The following ALKAL1 variants were observed in gnomAD, a reference collection of about 807,000 sequenced individuals.
ALKAL1 encodes the protein AUG-beta.
Under a neutral mutation model 13.5 loss-of-function variants are expected in ALKAL1, and 23 were observed. That is an observed-to-expected ratio of 1.70 (90% confidence interval 1.23 to 2.41). The LOEUF (loss-of-function observed/expected upper bound fraction) is 2.41. ALKAL1 is among the 30% of genes most tolerant of loss of function. ALKAL1 has a pLI of 0.00. For synonymous variants in ALKAL1, 85 were observed against 77.7 expected, an observed-to-expected ratio of 1.09 and a Z score of -0.49; for missense variants, 181 against 178.4, an observed-to-expected ratio of 1.01 and a Z score of -0.08.
At chr8:52,562,530 C>T (rs1247171080) in intron 1 of ALKAL1, among the ~76,000 whole-genome samples, 1 of 152,138 alleles carries the variant, frequency 6.6e-6, no homozygotes, top group Non-Finnish European at 1.5e-5. Context: ...CCCCACTCTC[C>T]GCAATCCTCG....
rs559954025 is a variant in ALKAL1, at chr8:52,540,382, GCC to G, written c.245-473_245-472del. On this transcript the variant is annotated intron_variant, in intron 2 of 4. Transcript: ENST00000358543. Reference sequence around the variant, plus strand: ...CTAGGATAATTGTAAAATGAGCAGGGCCTTGAGAAGTCCCTTGTCTCTCCCTT... The same window carrying G: ...CTAGGATAATTGTAAAATGAGCAGGGTTGAGAAGTCCCTTGTCTCTCCCTT... Among the ~76,000 whole-genome samples the G allele has an allele frequency of 1.6e-3, 240 of 152,154 alleles. 2 individuals are homozygous for G. The highest frequency in any genetic ancestry group is 5.6e-3 in the African/African-American group (231 of 41,508).
At chr8:52,540,005 CT>C in intron 2 of ALKAL1, 94 bp from the exon 3 acceptor site, 1 of 1,005,758 alleles carries the variant, frequency 9.9e-7, no homozygotes, top group Non-Finnish European at 1.5e-6. Flanking sequence ...TACAACAGCA[CT>C]TTACATCCTT....
At chr8:52,545,585 A>T (rs138707921) in intron 1 of ALKAL1, among the ~76,000 whole-genome samples, 1 of 150,952 alleles carries the variant, frequency 6.6e-6, no homozygotes, top group East Asian at 2.0e-4. Flanking sequence ...ACCTTACTGA[A>T]CCCAACCAAT....
intron 1 of ALKAL1, among the ~76,000 whole-genome samples, chr8:52,548,207 C>T (rs111457142): frequency 0.059 from 8,907 of 152,026 alleles, 351 homozygotes; most frequent in Non-Finnish European, 0.086. Context: ...AAACATTAGC[C>T]GGGCATGGTG....
chr8:52,558,585 T>C lies in ALKAL1; in HGVS notation c.190+6482A>G, dbSNP rs115041257. On this transcript the variant is annotated intron_variant, in intron 1 of 4. Transcript: ENST00000358543. ...CTGTTCACCTTTCCTTCTCTCTTCATTGCTTTCCTGCAGCCCAGTCTTTTT... is the reference window on the plus strand; with the variant it reads ...CTGTTCACCTTTCCTTCTCTCTTCACTGCTTTCCTGCAGCCCAGTCTTTTT... 4.3e-3 allele frequency among the ~76,000 whole-genome samples: 659 copies of C among 152,158 alleles called. 8 individuals carry two copies. Among genetic ancestry groups the C allele is most frequent in the African/African-American group, 0.014 (590 of 41,512 alleles).
intron 1 of ALKAL1, among the ~76,000 whole-genome samples, chr8:52,561,703 G>A (rs557693534): frequency 1.3e-5 from 2 of 152,266 alleles, no homozygotes; most frequent in East Asian, 3.9e-4. Context: ...TATTAAGCAC[G>A]TTGATTTGCC....
At chr8:52,560,868 T>C (rs925059390) in intron 1 of ALKAL1, among the ~76,000 whole-genome samples, 1 of 152,182 alleles carries the variant, frequency 6.6e-6, no homozygotes, top group African/African-American at 2.4e-5. Flanking sequence ...AAATCATATA[T>C]AACCTTTTCA....
chr8:52,546,340 G>C (rs113397058), intron 1 of ALKAL1, among the ~76,000 whole-genome samples: 16 of 152,216 alleles, frequency 1.1e-4, no homozygotes, highest in African/African-American at 3.6e-4. Context: ...CTGAGTAGTT[G>C]TTGCACAGAT....
chr8:52,559,588 C>T (rs906501617), intron 1 of ALKAL1, among the ~76,000 whole-genome samples: 4 of 152,188 alleles, frequency 2.6e-5, no homozygotes, highest in Admixed American at 6.5e-5. Flanking sequence ...TGCACTCATA[C>T]AGATTTATTA....
At chr8:52,553,971 C>A (rs752068158) in intron 1 of ALKAL1, among the ~76,000 whole-genome samples, 4 of 152,136 alleles carry the variant, frequency 2.6e-5, no homozygotes, top group Non-Finnish European at 5.9e-5. Flanking sequence ...TGCCTGTAAT[C>A]CCAGCATTTT....
chr8:52,556,536 A>T (rs987156080), intron 1 of ALKAL1, among the ~76,000 whole-genome samples: 1 of 150,954 alleles, frequency 6.6e-6, no homozygotes, highest in African/African-American at 2.4e-5. Context: ...AGTCCCAGCT[A>T]CACGGGAGGC....
Position 52,542,394 on chromosome 8 carries a change from G to A in ALKAL1, c.242C>T (p.Thr81Ile). 10 of 1,535,876 alleles carry A rather than the reference G, an allele frequency of 6.5e-6. No homozygotes were observed. The highest frequency in any genetic ancestry group is 9.0e-6 in the Non-Finnish European group (10 of 1,115,866). Residue 81 changes from threonine to isoleucine, a missense_variant and splice_region_variant, in exon 2 of 5, where the codon ACA becomes ATA. Thr to Ile is a moderately conservative substitution (Grantham distance 89, BLOSUM62 -1). Coordinates refer to ENST00000358543, the MANE Select transcript of ALKAL1 (RefSeq NM_207413.4). The stretch of plus-strand genomic sequence containing the variant: ...TCACTGATACATTTTGTACTTACCT[G>A]TGAAATGCTTTATGAATTTGTCTTT... Reference protein sequence around the residue: ...NLKDKFIKHFTGPVTFSPECS... With the variant: ...NLKDKFIKHFIGPVTFSPECS...
intron 2 of ALKAL1, 36 bp from the exon 3 acceptor site, chr8:52,539,947 A>T: frequency 6.3e-7 from 1 of 1,584,920 alleles, no homozygotes; most frequent in Non-Finnish European, 8.6e-7. Context: ...TTATAAACAT[A>T]GGCATGTTTT....
chr8:52,539,908 G>A lies in ALKAL1; in HGVS notation c.248C>T (p.Pro83Leu), dbSNP rs370928233. ...GCTGCATTCTGGTGAAAATGTGACC[G>A]GCCCTAGAGCACAGGAAAAGAATGC... is the stretch of plus-strand genomic sequence containing the variant. ...KDKFIKHFTG[P>L]VTFSPECSKH... Residue 83 changes from proline (P) to leucine (L), a missense_variant, in exon 3 of 5, where the codon CCG becomes CTG. Transcript: ENST00000358543. The A allele has an allele frequency of 1.7e-5, 27 of 1,611,400 alleles. No individual in the cohort carries two copies. The highest frequency in any genetic ancestry group is 5.4e-5 in the African/African-American group (4 of 74,000).
intron 1 of ALKAL1, among the ~76,000 whole-genome samples, chr8:52,552,783 T>C (rs1847442459): frequency 6.6e-6 from 1 of 152,228 alleles, no homozygotes; most frequent in Non-Finnish European, 1.5e-5. Context: ...TTTTAAAAAC[T>C]TTCTGGCATT....
intron 4 of ALKAL1, among the ~76,000 whole-genome samples, chr8:52,535,912 G>T (rs1242101755): frequency 6.6e-6 from 1 of 151,950 alleles, no homozygotes; most frequent in East Asian, 1.9e-4. Context: ...AGATATTCAT[G>T]AGTAATCTTA....
intron 1 of ALKAL1, among the ~76,000 whole-genome samples, chr8:52,549,860 G>A (rs918786986): frequency 6.6e-6 from 1 of 152,020 alleles, no homozygotes; most frequent in African/African-American, 2.4e-5. Context: ...GAGAATCACT[G>A]GAACCAGGGA....
At chr8:52,548,174 C>A (rs1472961311) in intron 1 of ALKAL1, among the ~76,000 whole-genome samples, 2 of 151,928 alleles carry the variant, frequency 1.3e-5, no homozygotes, top group Non-Finnish European at 2.9e-5. Flanking sequence ...CATGGTGAAA[C>A]TCTGTGTCTA....
chr8:52,555,342 G>C (rs963495216), intron 1 of ALKAL1, among the ~76,000 whole-genome samples: 1 of 152,018 alleles, frequency 6.6e-6, no homozygotes, highest in Admixed American at 6.6e-5. Flanking sequence ...TTTATTTTCT[G>C]TATTTCCAAT....
Sources: allele counts gnomAD v4.1 joint callset (sites outside exome capture counted in the v4.1 genomes callset), GRCh38; gene constraint gnomAD v4.1.1; transcripts MANE v1.5; gene names NCBI Gene and HGNC (gene_info 2026-07-23, HGNC 2026-07-21).